The following SPAG16 variants were observed in gnomAD, a reference collection of about 807,000 sequenced individuals.
SPAG16 encodes the protein sperm associated antigen 16.
Under a neutral mutation model 80.4 loss-of-function variants are expected in SPAG16, and 86 were observed. The observed-to-expected ratio is 1.07, with a 90% CI of 0.90 to 1.28. The LOEUF is 1.28. SPAG16 is among the 50% of genes most tolerant of loss of function. The probability of loss-of-function intolerance (pLI) is 0.00; values close to 1 mark genes in which losing one functional copy is unlikely to be tolerated. For missense variants in SPAG16, 870 were observed against 765.3 expected (o/e 1.14, Z -1.61); for synonymous variants, 294 against 265.9 (o/e 1.11, Z -1.03).
chr2:213,675,984 C>A (rs2064048385), intron 10 of SPAG16, among the ~76,000 whole-genome samples: 1 of 152,112 alleles, frequency 6.6e-6, no homozygotes, highest in Non-Finnish European at 1.5e-5. Flanking sequence ...GGTAGTATGG[C>A]CAATTTCATG....
intron 15 of SPAG16, among the ~76,000 whole-genome samples, chr2:214,400,780 A>T (rs1442041435): frequency 6.6e-6 from 1 of 152,010 alleles, no homozygotes; most frequent in African/African-American, 2.4e-5. Flanking sequence ...ATGTTTTCTA[A>T]GTAAGGTAAA....
chr2:213,777,774 T>A lies in SPAG16; in HGVS notation c.1071-84711T>A, dbSNP rs376533998. 1.7e-3 allele frequency among the ~76,000 whole-genome samples: 264 copies of A among 152,270 alleles called. 4 individuals carry two copies. Among genetic ancestry groups the A allele is most frequent in the Middle Eastern group, 6.8e-3 (2 of 294 alleles). On this transcript the variant is annotated intron_variant, in intron 10 of 15. Coordinates refer to ENST00000331683, the MANE Select transcript of SPAG16 (RefSeq NM_024532.5). The stretch of plus-strand genomic sequence containing the variant: ...CTGGTCTTGAACTCCTGACCTCAAG[T>A]GATCTGCCTGCCTCGGCCTCTCAAA...
At chr2:214,404,310 C>T (rs1000705754) in intron 15 of SPAG16, among the ~76,000 whole-genome samples, 6 of 152,188 alleles carry the variant, frequency 3.9e-5, no homozygotes, top group African/African-American at 1.4e-4. Flanking sequence ...GCCACACGTG[C>T]ATTTTCCTAC....
At chr2:213,409,709 G>C (rs753727902) in intron 9 of SPAG16, among the ~76,000 whole-genome samples, 13 of 151,904 alleles carry the variant, frequency 8.6e-5, no homozygotes, top group Non-Finnish European at 1.9e-4. Flanking sequence ...TAGCTCATCG[G>C]GTATAAAAAT....
intron 10 of SPAG16, among the ~76,000 whole-genome samples, chr2:213,715,266 A>ATCTATCTATCTATCTATCTG (rs3076744): frequency 0.037 from 5,602 of 151,024 alleles, 148 homozygotes; most frequent in Non-Finnish European, 0.047. Flanking sequence ...CTATCTATCT[A>ATCTATCTATCTATCTATCTG]TCCATTCATC....
chr2:213,740,419 A>C (rs747524678), intron 10 of SPAG16, among the ~76,000 whole-genome samples: 1 of 152,190 alleles, frequency 6.6e-6, no homozygotes, highest in Non-Finnish European at 1.5e-5. Context: ...ACCAGAAAGG[A>C]ACAGCTGCTC....
At chr2:213,532,745 G>A (rs1273023850) in intron 10 of SPAG16, among the ~76,000 whole-genome samples, 1 of 151,850 alleles carries the variant, frequency 6.6e-6, no homozygotes, top group African/African-American at 2.4e-5. Context: ...ACAGGCATGA[G>A]CCATCGCACT....
At chr2:213,870,033 A>G (rs2075887350) in intron 11 of SPAG16, among the ~76,000 whole-genome samples, 1 of 152,130 alleles carries the variant, frequency 6.6e-6, no homozygotes, top group Admixed American at 6.6e-5. Flanking sequence ...TATATTTATG[A>G]TGCTGCTTTC....
At chr2:213,787,690 G>A (rs889178371) in intron 10 of SPAG16, among the ~76,000 whole-genome samples, 2 of 151,826 alleles carry the variant, frequency 1.3e-5, no homozygotes, top group Admixed American at 6.6e-5. Flanking sequence ...TTATTAAATT[G>A]GAAAACATCT....
intron 9 of SPAG16, among the ~76,000 whole-genome samples, chr2:213,409,415 T>G (rs1559103724): frequency 6.6e-6 from 1 of 152,164 alleles, no homozygotes; most frequent in Non-Finnish European, 1.5e-5. Context: ...GTTTTAAAGG[T>G]TTAAGCAAGT....
chr2:214,358,721 A>C (rs892182472), intron 15 of SPAG16, among the ~76,000 whole-genome samples: 1 of 151,892 alleles, frequency 6.6e-6, no homozygotes, highest in Non-Finnish European at 1.5e-5. Context: ...AGAGCCTCCA[A>C]GGACTCGAAT....
intron 13 of SPAG16, among the ~76,000 whole-genome samples, chr2:214,088,590 A>G (rs1294754743): frequency 6.6e-6 from 1 of 152,172 alleles, no homozygotes; most frequent in East Asian, 1.9e-4. Context: ...GATGCCTGAC[A>G]AAATATCACT....
chr2:214,029,421 G>A (rs1277141641), intron 13 of SPAG16, among the ~76,000 whole-genome samples: 7 of 151,994 alleles, frequency 4.6e-5, no homozygotes. Flanking sequence ...GGAAGATATT[G>A]GAGGGCTTCG....
At chr2:213,605,563 C>G (rs536536381) in intron 10 of SPAG16, among the ~76,000 whole-genome samples, 1 of 152,140 alleles carries the variant, frequency 6.6e-6, no homozygotes, top group Non-Finnish European at 1.5e-5. Flanking sequence ...GGTCTCGGCT[C>G]ACTGCAACCT....
intron 10 of SPAG16, among the ~76,000 whole-genome samples, chr2:213,599,887 A>G (rs1431311416): frequency 1.3e-5 from 2 of 152,036 alleles, no homozygotes; most frequent in South Asian, 2.1e-4. Context: ...TTTTTAGTAG[A>G]GACGGGGTTT....
At chr2:213,967,374 C>A (rs1384616831) in intron 12 of SPAG16, among the ~76,000 whole-genome samples, 1 of 151,914 alleles carries the variant, frequency 6.6e-6, no homozygotes, top group Admixed American at 6.6e-5. Context: ...TCAATAACAC[C>A]CCTCAAATTC....
At chr2:213,993,492 T>A (rs183190060) in intron 12 of SPAG16, among the ~76,000 whole-genome samples, 1 of 152,200 alleles carries the variant, frequency 6.6e-6, no homozygotes, top group East Asian at 1.9e-4. Flanking sequence ...GCACTGCCTA[T>A]TCAATCCCTA....
intron 10 of SPAG16, among the ~76,000 whole-genome samples, chr2:213,542,764 ATTG>A (rs1423290312): frequency 6.6e-6 from 1 of 152,116 alleles, no homozygotes; most frequent in South Asian, 2.1e-4. Context: ...TAGTTCTTAA[ATTG>A]TTGTTTTTTT....
intron 10 of SPAG16, among the ~76,000 whole-genome samples, chr2:213,659,111 A>G (rs544939511): frequency 6.6e-6 from 1 of 152,308 alleles, no homozygotes; most frequent in South Asian, 2.1e-4. Context: ...ACCTTTGTGC[A>G]TTATTGTGTA....
Sources: gnomAD v4.1 joint callset for allele counts (sites outside exome capture counted in the v4.1 genomes callset) on GRCh38, gnomAD v4.1.1 for gene constraint, MANE v1.5 for transcripts, NCBI Gene and HGNC (gene_info 2026-07-23, HGNC 2026-07-21) for gene names.